Variants in TJP2 observed in about 807,000 individuals in gnomAD.
TJP2 encodes the protein Friedreich ataxia region gene X104 (tight junction protein ZO-2).
A neutral mutation model predicts 133.1 loss-of-function variants in TJP2; 91 were observed. The observed-to-expected ratio is 0.68, with a 90% CI of 0.58 to 0.81. The LOEUF (loss-of-function observed/expected upper bound fraction) is 0.81. Ranked by LOEUF, TJP2 falls within the 40% of genes least tolerant of loss-of-function variation. The probability of loss-of-function intolerance (pLI) is 0.00; values close to 1 mark genes in which losing one functional copy is unlikely to be tolerated. For missense variants in TJP2, 1,541 were observed against 1,565.6 expected, an observed-to-expected ratio of 0.98 and a Z score of 0.26; for synonymous variants, 592 against 583.4, an observed-to-expected ratio of 1.01 and a Z score of -0.21.
At chr9:69,181,557 GTTTC>G (rs796147576) in intron 1 of TJP2, among the ~76,000 whole-genome samples, 12 of 152,258 alleles carry the variant, frequency 7.9e-5, no homozygotes, top group African/African-American at 2.4e-4. Flanking sequence ...CTAGTTCTCA[GTTTC>G]TTTATCAGAA....
At chr9:69,138,320 A>G (rs1822864485) in intron 1 of TJP2, among the ~76,000 whole-genome samples, 1 of 152,160 alleles carries the variant, frequency 6.6e-6, no homozygotes, top group African/African-American at 2.4e-5. Flanking sequence ...ACATTGGCTT[A>G]TCTTGAGGGT....
At chr9:69,145,483 G>A in intron 1 of TJP2, 1 of 336,362 alleles carries the variant, frequency 3.0e-6, no homozygotes, top group Non-Finnish European at 5.3e-6. Context: ...GCTTTATTCA[G>A]AATTATTTAG....
At chr9:69,248,462 T>A (rs960334634) in intron 19 of TJP2, 1 of 1,354,978 alleles carries the variant, frequency 7.4e-7, no homozygotes, top group African/African-American at 1.5e-5. Context: ...ACCCATGCCC[T>A]CAGGTGCGAT....
chr9:69,225,204 T>C, intron 5 of TJP2, 100 bp from the exon 6 acceptor site: 1 of 788,418 alleles, frequency 1.3e-6, no homozygotes, highest in South Asian at 1.5e-5. Context: ...ATATACAAAA[T>C]TAACTTTTTA....
At position 69,216,387 on chromosome 9, in the gene TJP2, C is replaced by G. The variant is rs770757056; in HGVS notation, c.163C>G (p.Pro55Ala). The change falls in exon 3 of 23, where the codon CCC becomes GCC. Residue 55 changes from proline (P) to alanine (A), a missense_variant. Transcript: ENST00000377245. ...GIAVSGGRDN[P>A]HFENGETSIV... ...TGCAGTGTCCGGAGGCAGAGACAAC[C>G]CCCACTTTGAAAATGGAGAAACGTC... 4.3e-6 allele frequency: 7 copies of G among 1,614,078 alleles called. No individual in the cohort carries two copies. Among genetic ancestry groups the G allele is most frequent in the Non-Finnish European group, 5.9e-6 (7 of 1,180,002 alleles).
rs1564372645 is a variant in TJP2 at position 69,137,291 on chromosome 9, CTTTCTTTCTTTTCTTTTCTTTTCT to C, written c.-130-14352_-130-14329del. 8.2e-3 allele frequency among the ~76,000 whole-genome samples: 619 copies of C among 75,446 alleles called. 1 individual carries two copies. The highest frequency in any genetic ancestry group is 0.01 in the African/African-American group (214 of 21,056). The allele number at this position is 75,446 out of a possible 152,430, so 49.5% of individuals were successfully genotyped here. A position where few individuals can be genotyped will look rare whatever the true frequency, so the allele number is the denominator to read the frequency against. On this transcript the variant is annotated intron_variant, in intron 1 of 5. Transcript: ENST00000423935. ...TTTCTTTTTCTTTCTTTCTTTCTTT[CTTTCTTTCTTTTCTTTTCTTTTCT>C]TTTCTTTTCTTTTCTTTTTTTTTTT...
Position 69,230,082 on chromosome 9 carries a change from C to T in TJP2, c.1521C>T (p.Gly507=), listed in dbSNP as rs1226597937. The stretch of plus-strand genomic sequence containing the variant: ...CTTTCTGAAACGGAACCTATTGCAG[C>T]CCTAATACCAAAATGGTAAGGTTCA... ...RPSPEDEAIY[G]PNTKMVRFKK... is the part of the protein sequence containing the mutation. The change falls in exon 11 of 23, where the codon GGC becomes GGT. Residue 507 remains glycine, a splice_region_variant and synonymous_variant. Coordinates refer to ENST00000377245, the MANE Select transcript of TJP2 (RefSeq NM_004817.4). 6.2e-7 allele frequency: 1 copy of T among 1,614,110 alleles called. No individual in the cohort carries two copies.
intron 5 of TJP2, among the ~76,000 whole-genome samples, chr9:69,224,258 A>T (rs766390094): frequency 5.3e-5 from 8 of 152,200 alleles, no homozygotes; most frequent in Non-Finnish European, 1.2e-4. Context: ...TTCAATGCCA[A>T]GCTTCATATA....
chr9:69,254,224 G>T lies in TJP2; in HGVS notation c.3423G>T (p.Glu1141Asp), dbSNP rs756610092. 1 of 1,614,206 alleles carries T rather than the reference G, an allele frequency of 6.2e-7. No individual in the cohort carries two copies. The highest frequency in any genetic ancestry group is 1.1e-5 in the South Asian group (1 of 91,082). ...TTTTTGTTAGTTCCAGACCCCCTGA[G>T]CCACAGAAAGCTCCTTCCAGACCTT... Reference protein sequence around the residue: ...TPQHTSSRPPEPQKAPSRPYQ... With the variant: ...TPQHTSSRPPDPQKAPSRPYQ... The change falls in exon 23 of 23, where the codon GAG (glutamate) becomes GAT (aspartate). Residue 1141 changes from glutamate to aspartate, a missense_variant. Transcript: ENST00000377245.
chr9:69,205,027 G>C (rs1827285774), intron 1 of TJP2: 1 of 1,432,482 alleles, frequency 7.0e-7, no homozygotes, highest in Admixed American at 2.5e-5. Flanking sequence ...ATGTGTCACT[G>C]TGTGAGATGA....
intron 2 of TJP2, among the ~76,000 whole-genome samples, chr9:69,164,839 C>G (rs11145514): frequency 1.3e-5 from 2 of 151,556 alleles, no homozygotes; most frequent in Non-Finnish European, 2.9e-5. Flanking sequence ...GATTTTTTTT[C>G]TTTTTTTTGA....
intron 1 of TJP2, among the ~76,000 whole-genome samples, chr9:69,202,178 C>G (rs1334882792): frequency 6.6e-6 from 1 of 152,176 alleles, no homozygotes; most frequent in Non-Finnish European, 1.5e-5. Flanking sequence ...CTGGTGAGGG[C>G]AGCTCTCTCC....
intron 22 of TJP2, 190 bp downstream of exon 22, chr9:69,253,090 G>C: frequency 1.6e-6 from 1 of 620,848 alleles, no homozygotes; most frequent in Non-Finnish European, 2.9e-6. Context: ...AGCATAGTTT[G>C]CTTGTGTGCT....
intron 17 of TJP2, among the ~76,000 whole-genome samples, chr9:69,240,684 G>A (rs1033000428): frequency 6.6e-6 from 1 of 152,114 alleles, no homozygotes; most frequent in Non-Finnish European, 1.5e-5. Context: ...GGCCTAGCAT[G>A]GTGGTGCATG....
intron 1 of TJP2, chr9:69,145,834 C>T (rs1160164287): frequency 1.6e-6 from 2 of 1,224,408 alleles, no homozygotes; most frequent in African/African-American, 1.6e-5. Context: ...GCAGAGGAGG[C>T]TGGAAGCTTC....
rs183285330 is a variant in TJP2 at position 69,213,141 on chromosome 9, G to C, written c.114+540G>C. 3.0e-3 allele frequency among the ~76,000 whole-genome samples: 433 copies of C among 144,810 alleles called. 1 individual carries two copies. The highest frequency in any genetic ancestry group is 0.011 in the African/African-American group (415 of 38,712). On this transcript the variant is annotated intron_variant, in intron 2 of 22. Transcript: ENST00000377245. Reference sequence around the variant, plus strand: ...TACGGTGGTGCAATTTCGGCTCAGCGCAACCTCCGCCTCCCGGGTTCAAGC... The same window carrying C: ...TACGGTGGTGCAATTTCGGCTCAGCCCAACCTCCGCCTCCCGGGTTCAAGC...
chr9:69,190,133 T>C (rs1242845023), intron 1 of TJP2, among the ~76,000 whole-genome samples: 2 of 151,976 alleles, frequency 1.3e-5, no homozygotes, highest in African/African-American at 4.8e-5. Context: ...ACAAACAAAC[T>C]TCTCCTGTAG....
intron 11 of TJP2, among the ~76,000 whole-genome samples, chr9:69,233,504 GGCTCACGCAT>G (rs1829942992): frequency 6.6e-6 from 1 of 152,184 alleles, no homozygotes; most frequent in Admixed American, 6.5e-5. Context: ...CAGGCGTGGT[GGCTCACGCAT>G]GTAATCCCAG....
At chr9:69,220,118 C>G (rs1450360053) in intron 4 of TJP2, among the ~76,000 whole-genome samples, 4 of 152,094 alleles carry the variant, frequency 2.6e-5, no homozygotes, top group Admixed American at 2.0e-4. Context: ...CCAGCCTGGG[C>G]AACAGAGCGA....
Sources: allele counts gnomAD v4.1 joint callset (sites outside exome capture counted in the v4.1 genomes callset), GRCh38; gene constraint gnomAD v4.1.1; transcripts MANE v1.5; gene names NCBI Gene and HGNC (gene_info 2026-07-23, HGNC 2026-07-21).